NAALADL2: variants seen among roughly 807,000 people sequenced by gnomAD.
The protein encoded by NAALADL2 is inactive N-acetylated-alpha-linked acidic dipeptidase-like protein 2.
A neutral mutation model predicts 87.2 loss-of-function variants in NAALADL2; 76 were observed. The observed-to-expected ratio is 0.87, with a 90% CI of 0.72 to 1.05. NAALADL2 has a LOEUF of 1.05. Among genes scored for constraint, NAALADL2 ranks in the 50% least tolerant of loss-of-function variants. NAALADL2 has a pLI of 0.00. For missense variants in NAALADL2, 1,089 were observed against 945.8 expected, an observed-to-expected ratio of 1.15 and a Z score of -1.99; for synonymous variants, 354 against 331.0, an observed-to-expected ratio of 1.07 and a Z score of -0.75.
chr3:175,601,691 C>T (rs1722996944), intron 10 of NAALADL2, among the ~76,000 whole-genome samples: 1 of 152,142 alleles, frequency 6.6e-6, no homozygotes, highest in Admixed American at 6.5e-5. Context: ...TTGACATACA[C>T]CCACACAGTA....
At chr3:175,520,654 T>C (rs1444789933) in intron 9 of NAALADL2, among the ~76,000 whole-genome samples, 1 of 152,216 alleles carries the variant, frequency 6.6e-6, no homozygotes, top group Non-Finnish European at 1.5e-5. Context: ...AAATAGTGAA[T>C]GCATCTGAAA....
intron 11 of NAALADL2, among the ~76,000 whole-genome samples, chr3:175,707,059 C>T (rs116733365): frequency 1.1e-3 from 162 of 152,180 alleles, no homozygotes; most frequent in African/African-American, 3.7e-3. Context: ...AGTTGAGCTA[C>T]ATGTCACTTA....
chr3:175,705,516 AAG>A (rs1739559088), intron 11 of NAALADL2, among the ~76,000 whole-genome samples: 1 of 151,520 alleles, frequency 6.6e-6, no homozygotes, highest in South Asian at 2.1e-4. Context: ...TCTCATCCTA[AAG>A]AAGTTGGAGG....
At chr3:175,072,769 C>T (rs1229585705) in intron 1 of NAALADL2, among the ~76,000 whole-genome samples, 11 of 150,626 alleles carry the variant, frequency 7.3e-5, no homozygotes, top group African/African-American at 2.7e-4. Flanking sequence ...AGCACACCAA[C>T]ATGGCACATG....
intron 9 of NAALADL2, among the ~76,000 whole-genome samples, chr3:175,565,818 A>C: frequency 7.0e-6 from 1 of 141,958 alleles, no homozygotes. Context: ...CAAAAAACAA[A>C]AGCCCCCCCC....
chr3:174,752,595 T>C (rs554178608), intron 3 of NAALADL2, among the ~76,000 whole-genome samples: 1 of 152,090 alleles, frequency 6.6e-6, no homozygotes, highest in Non-Finnish European at 1.5e-5. Context: ...ATTTTTTTTT[T>C]ATTTCACATA....
chr3:175,307,292 G>A (rs538291937), intron 4 of NAALADL2, among the ~76,000 whole-genome samples: 77 of 152,132 alleles, frequency 5.1e-4, no homozygotes, highest in Admixed American at 2.8e-3. Flanking sequence ...CTTTGGAAAA[G>A]TCCTTTTTGA....
chr3:175,145,051 A>G (rs541438248), intron 2 of NAALADL2, among the ~76,000 whole-genome samples: 1 of 152,040 alleles, frequency 6.6e-6, no homozygotes, highest in East Asian at 1.9e-4. Context: ...TTTCACACTT[A>G]CAAATTTTAA....
intron 3 of NAALADL2, among the ~76,000 whole-genome samples, chr3:174,741,019 A>G (rs998092742): frequency 1.6e-4 from 24 of 151,782 alleles, no homozygotes; most frequent in African/African-American, 5.8e-4. Context: ...CAGTGAATAA[A>G]TTAGAACAGT....
chr3:175,423,660 T>A (rs1236489804), intron 5 of NAALADL2, among the ~76,000 whole-genome samples: 1 of 152,204 alleles, frequency 6.6e-6, no homozygotes, highest in Non-Finnish European at 1.5e-5. Flanking sequence ...TAATCCAGTC[T>A]ATCATTGTTG....
intron 13 of NAALADL2, among the ~76,000 whole-genome samples, chr3:175,769,581 A>G (rs149224571): frequency 6.6e-4 from 101 of 152,334 alleles, no homozygotes; most frequent in African/African-American, 2.0e-3. Context: ...TCTAATTGCT[A>G]TGTAGAAAAC....
intron 13 of NAALADL2, among the ~76,000 whole-genome samples, chr3:175,793,905 CTT>C (rs1753137680): frequency 6.6e-6 from 1 of 152,124 alleles, no homozygotes; most frequent in African/African-American, 2.4e-5. Flanking sequence ...GAATTACTCA[CTT>C]TGTTTAAATA....
intron 4 of NAALADL2, among the ~76,000 whole-genome samples, chr3:175,314,072 C>CAA (rs10678475): frequency 0.24 from 19,448 of 79,450 alleles, 1,897 homozygotes; most frequent in East Asian, 0.52. Context: ...GACTCCATCT[C>CAA]AAAAAAAAAA....
At chr3:174,747,229 CAAGAA>C (rs1734342697) in intron 3 of NAALADL2, among the ~76,000 whole-genome samples, 1 of 152,038 alleles carries the variant, frequency 6.6e-6, no homozygotes, top group Non-Finnish European at 1.5e-5. Context: ...AACAAATTTA[CAAGAA>C]AAGGCCAAAC....
At chr3:174,764,570 A>G (rs983075069) in intron 3 of NAALADL2, among the ~76,000 whole-genome samples, 3 of 152,248 alleles carry the variant, frequency 2.0e-5, no homozygotes, top group African/African-American at 7.2e-5. Context: ...AGATTGTGCC[A>G]TTGCACTTCA....
intron 3 of NAALADL2, among the ~76,000 whole-genome samples, chr3:174,783,400 T>A (rs890988411): frequency 2.6e-5 from 4 of 152,172 alleles, no homozygotes; most frequent in African/African-American, 9.6e-5. Context: ...GCCACATGAA[T>A]GCTGTTTCAG....
chr3:175,635,051 G>A (rs1430662817), intron 11 of NAALADL2, among the ~76,000 whole-genome samples: 2 of 152,016 alleles, frequency 1.3e-5, no homozygotes, highest in African/African-American at 2.4e-5. Flanking sequence ...AAATAATATA[G>A]GTGTGTGTAT....
chr3:174,947,754 A>G (rs564062690), intron 1 of NAALADL2, among the ~76,000 whole-genome samples: 44 of 152,228 alleles, frequency 2.9e-4, no homozygotes, highest in African/African-American at 1.1e-3. Flanking sequence ...ATACTGACAC[A>G]TATACACACA....
intron 1 of NAALADL2, among the ~76,000 whole-genome samples, chr3:174,883,535 AT>A (rs1268776344): frequency 6.6e-6 from 1 of 152,208 alleles, no homozygotes; most frequent in Non-Finnish European, 1.5e-5. Context: ...AATAAATCTT[AT>A]GTCACATGAT....
Sources: allele counts gnomAD v4.1 joint callset (sites outside exome capture counted in the v4.1 genomes callset), GRCh38; gene constraint gnomAD v4.1.1; transcripts MANE v1.5; gene names NCBI Gene and HGNC (gene_info 2026-07-23, HGNC 2026-07-21).